OXR1: variants seen among roughly 807,000 people sequenced by gnomAD.
The protein encoded by OXR1 is oxidation resistance protein 1.
OXR1 carries 41 observed loss-of-function variants against 104.6 expected under a neutral mutation model. The ratio of observed to expected loss-of-function variants is 0.39; its 90% confidence interval spans 0.31 to 0.51. The LOEUF is 0.51. Ranked by LOEUF, OXR1 falls within the 20% of genes least tolerant of loss-of-function variation. The pLI is 0.77. For missense variants in OXR1, 955 were observed against 1,031.9 expected (o/e 0.93, Z 1.02); for synonymous variants, 348 against 348.4 (o/e 1.00, Z 0.01).
chr8:106,339,520 ATATATATATATATATAT>A lies in OXR1; in HGVS notation c.-138-19955_-138-19939del, dbSNP rs1272353757. The stretch of plus-strand genomic sequence containing the variant: ...AAAAAAAAAAAAAAAAAAAAAAAAA[ATATATATATATATATAT>A]ATATATATATATATATATAAAACGA... On this transcript the variant is annotated intron_variant, in intron 1 of 16. Transcript: ENST00000517566. Among the ~76,000 whole-genome samples, 71 of 8,244 alleles carry A rather than the reference ATATATATATATATATAT, an allele frequency of 8.6e-3. 3 individuals carry two copies. Among genetic ancestry groups the A allele is most frequent in the African/African-American group, 0.027 (63 of 2,362 alleles). The allele number at this position is 8,244 out of a possible 152,430, so 5.4% of individuals were successfully genotyped here.
chr8:106,406,271 T>C (rs1422401967), intron 2 of OXR1, among the ~76,000 whole-genome samples: 3 of 152,274 alleles, frequency 2.0e-5, no homozygotes, highest in African/African-American at 7.2e-5. Flanking sequence ...AACATGTAAA[T>C]TAAAAGTTGA....
At chr8:106,658,559 G>T (rs1039715065) in intron 3 of OXR1, among the ~76,000 whole-genome samples, 1 of 152,206 alleles carries the variant, frequency 6.6e-6, no homozygotes, top group Non-Finnish European at 1.5e-5. Flanking sequence ...TTCTTGAAGA[G>T]CGCTGTGCCT....
intron 3 of OXR1, among the ~76,000 whole-genome samples, chr8:106,615,232 C>G (rs966365700): frequency 6.6e-6 from 1 of 151,996 alleles, no homozygotes; most frequent in African/African-American, 2.4e-5. Context: ...GACTTTGAAA[C>G]CAGCCTGACC....
At chr8:106,428,622 T>G (rs1428272686) in intron 2 of OXR1, among the ~76,000 whole-genome samples, 1 of 151,776 alleles carries the variant, frequency 6.6e-6, no homozygotes, top group Non-Finnish European at 1.5e-5. Flanking sequence ...TTTTTTTTTT[T>G]TTAAACATCT....
intron 3 of OXR1, among the ~76,000 whole-genome samples, chr8:106,563,556 C>T (rs1167503770): frequency 2.0e-5 from 3 of 152,126 alleles, no homozygotes; most frequent in East Asian, 3.9e-4. Flanking sequence ...TTTAACACTC[C>T]ACTGTCAATA....
At chr8:106,560,893 G>A (rs921686861) in intron 3 of OXR1, among the ~76,000 whole-genome samples, 7 of 152,128 alleles carry the variant, frequency 4.6e-5, no homozygotes, top group African/African-American at 1.2e-4. Flanking sequence ...CACCTTACCC[G>A]GGAAGTGCAA....
At chr8:106,571,513 C>T (rs947573449) in intron 3 of OXR1, among the ~76,000 whole-genome samples, 9 of 152,218 alleles carry the variant, frequency 5.9e-5, no homozygotes, top group South Asian at 2.1e-4. Flanking sequence ...AACTGGGTGG[C>T]GGCCAGGGGT....
chr8:106,488,310 A>T (rs1317509854), intron 2 of OXR1, among the ~76,000 whole-genome samples: 1 of 132,956 alleles, frequency 7.5e-6, no homozygotes, highest in Non-Finnish European at 1.6e-5. Context: ...TTCATTGTAG[A>T]TTCTGGATAT....
intron 1 of OXR1, among the ~76,000 whole-genome samples, chr8:106,282,019 A>G (rs1422127425): frequency 1.3e-5 from 2 of 152,130 alleles, no homozygotes; most frequent in East Asian, 3.8e-4. Context: ...ATTTATCAAT[A>G]TATATACAAC....
intron 11 of OXR1, among the ~76,000 whole-genome samples, chr8:106,734,973 C>T (rs565405680): frequency 7.2e-5 from 11 of 152,132 alleles, no homozygotes; most frequent in African/African-American, 2.7e-4. Flanking sequence ...TAATTCAGAG[C>T]GTGATAAGGG....
intron 3 of OXR1, among the ~76,000 whole-genome samples, chr8:106,629,531 A>G (rs1049867594): frequency 6.6e-6 from 1 of 152,166 alleles, no homozygotes; most frequent in Non-Finnish European, 1.5e-5. Flanking sequence ...AAAGTAAATC[A>G]TTGTCATTGC....
intron 3 of OXR1, among the ~76,000 whole-genome samples, chr8:106,592,691 T>C (rs1313823322): frequency 6.6e-6 from 1 of 151,936 alleles, no homozygotes; most frequent in Non-Finnish European, 1.5e-5. Context: ...ACAAAAACCA[T>C]CCCATATGAT....
intron 2 of OXR1, among the ~76,000 whole-genome samples, chr8:106,398,873 C>G (rs889696130): frequency 6.6e-6 from 1 of 152,156 alleles, no homozygotes; most frequent in African/African-American, 2.4e-5. Context: ...TGATAAATCA[C>G]TGCTTCACTC....
At chr8:106,679,136 G>A in intron 3 of OXR1, 74 bp from the exon 4 acceptor site, 1 of 827,324 alleles carries the variant, frequency 1.2e-6, no homozygotes, top group South Asian at 1.5e-5. Flanking sequence ...TGCCCAAAGA[G>A]CTCTATTCAG....
intron 2 of OXR1, among the ~76,000 whole-genome samples, chr8:106,383,520 C>A (rs1393191123): frequency 3.3e-5 from 5 of 152,130 alleles, no homozygotes; most frequent in Non-Finnish European, 4.4e-5. Context: ...GCTCACAAAT[C>A]TATAAGGATT....
chr8:106,665,283 G>A (rs769246918), intron 3 of OXR1, among the ~76,000 whole-genome samples: 2 of 152,088 alleles, frequency 1.3e-5, no homozygotes, highest in African/African-American at 2.4e-5. Context: ...GCACATCTTT[G>A]GATGTGGGAG....
chr8:106,331,777 T>C (rs1268168987), intron 1 of OXR1, among the ~76,000 whole-genome samples: 1 of 151,908 alleles, frequency 6.6e-6, no homozygotes, highest in African/African-American at 2.4e-5. Flanking sequence ...CCATCTCTAC[T>C]AAAAATACAA....
At chr8:106,355,443 T>A (rs982515177) in intron 1 of OXR1, among the ~76,000 whole-genome samples, 6 of 152,252 alleles carry the variant, frequency 3.9e-5, no homozygotes, top group South Asian at 2.1e-4. Flanking sequence ...CAGGGTTTTT[T>A]AAAAAAATCA....
intron 3 of OXR1, among the ~76,000 whole-genome samples, chr8:106,674,090 A>T (rs1283323432): frequency 6.6e-6 from 1 of 152,116 alleles, no homozygotes; most frequent in Non-Finnish European, 1.5e-5. Context: ...CTTCCTCCAG[A>T]CCTCAGAATG....
Sources: gnomAD v4.1 joint callset for allele counts (sites outside exome capture counted in the v4.1 genomes callset) on GRCh38, gnomAD v4.1.1 for gene constraint, MANE v1.5 for transcripts, NCBI Gene and HGNC (gene_info 2026-07-23, HGNC 2026-07-21) for gene names.